The following TPRX1 variants were observed in gnomAD, a reference collection of about 807,000 sequenced individuals.
TPRX1 encodes the protein tetrapeptide repeat homeobox 1, also known as tetra-peptide repeat homeobox protein 1.
In TPRX1, 2 loss-of-function variants were observed where a neutral mutation model predicts 8.1. The observed-to-expected ratio is 0.25, with a 90% CI of 0.10 to 0.78. The LOEUF (loss-of-function observed/expected upper bound fraction) is 0.78. Ranked by LOEUF, TPRX1 falls within the 30% of genes least tolerant of loss-of-function variation. The pLI, the probability that TPRX1 is intolerant of heterozygous loss-of-function variation, is 0.70. For missense variants in TPRX1, 517 were observed against 586.9 expected, an observed-to-expected ratio of 0.88 and a Z score of 1.23; for synonymous variants, 257 against 254.1, an observed-to-expected ratio of 1.01 and a Z score of -0.11.
exon 4 of TPRX1, chr19:47,802,132 C>T (rs373591593): frequency 1.9e-6 from 3 of 1,584,354 alleles, no homozygotes; most frequent in Non-Finnish European, 2.6e-6. Flanking sequence ...CAGGGCTTCG[C>T]ATCCGGCCAG....
At chr19:47,810,835 T>C (rs1967776388) in intron 2 of TPRX1, among the ~76,000 whole-genome samples, 1 of 151,696 alleles carries the variant, frequency 6.6e-6, no homozygotes, top group African/African-American at 2.4e-5. Flanking sequence ...AGGAGTTGTT[T>C]GGGCTTTGAA....
intron 2 of TPRX1, among the ~76,000 whole-genome samples, chr19:47,815,123 T>TATATATGCAAATATATATATATGCAA (rs1967821754): frequency 1.1e-5 from 1 of 93,806 alleles, no homozygotes; most frequent in South Asian, 3.7e-4. Context: ...ATTATATATA[T>TATATATGCAAATATATATATATGCAA]ATATATATAT....
intron 2 of TPRX1, among the ~76,000 whole-genome samples, chr19:47,810,641 A>G (rs952373560): frequency 3.3e-5 from 5 of 151,406 alleles, no homozygotes; most frequent in Non-Finnish European, 7.4e-5. Flanking sequence ...CCAGCCTTCC[A>G]TCAATTCTTC....
At chr19:47,801,765 C>A (rs750189376) in exon 4 of TPRX1, 6 of 1,602,768 alleles carry the variant, frequency 3.7e-6, no homozygotes, top group Non-Finnish European at 5.1e-6. Context: ...ACTTTGCAGG[C>A]ACAGGCCCCC....
intron 2 of TPRX1, among the ~76,000 whole-genome samples, chr19:47,809,841 TC>T (rs1649734391): frequency 1.3e-5 from 2 of 151,918 alleles, no homozygotes; most frequent in Admixed American, 1.3e-4. Context: ...CTCCTGGGGC[TC>T]CCCAGGCAAT....
intron 2 of TPRX1, among the ~76,000 whole-genome samples, chr19:47,810,556 C>T (rs1441617991): frequency 6.6e-6 from 1 of 151,872 alleles, no homozygotes; most frequent in South Asian, 2.1e-4. Flanking sequence ...ACCATATTGG[C>T]CAGACTGGTC....
At chr19:47,803,932 C>T (rs1195482518) in intron 2 of TPRX1, among the ~76,000 whole-genome samples, 1 of 152,050 alleles carries the variant, frequency 6.6e-6, no homozygotes, top group Non-Finnish European at 1.5e-5. Context: ...CTGCCTCAGG[C>T]CTGCTCAACC....
intron 2 of TPRX1, among the ~76,000 whole-genome samples, chr19:47,813,799 G>A (rs1338678181): frequency 1.3e-5 from 2 of 152,042 alleles, no homozygotes; most frequent in Admixed American, 1.3e-4. Flanking sequence ...GGCTGGCCTG[G>A]CCTGGCCTAA....
intron 2 of TPRX1, among the ~76,000 whole-genome samples, chr19:47,816,524 T>TG (rs1417477445): frequency 2.1e-5 from 3 of 145,100 alleles, no homozygotes; most frequent in Non-Finnish European, 4.5e-5. Flanking sequence ...CCCAAACCCC[T>TG]GGGAATTTTT....
intron 2 of TPRX1, among the ~76,000 whole-genome samples, chr19:47,807,809 G>T (rs1436979500): frequency 6.6e-6 from 1 of 152,198 alleles, no homozygotes; most frequent in African/African-American, 2.4e-5. Context: ...TGTAGACCCA[G>T]AGAATGTGGT....
chr19:47,803,048 G>T (rs1967696857), intron 3 of TPRX1, 68 bp from the exon 3 acceptor site: 13 of 1,469,708 alleles, frequency 8.8e-6, no homozygotes, highest in Non-Finnish European at 1.2e-5. Flanking sequence ...AGCCTTTTGG[G>T]GTCGGGGCCA....
chr19:47,806,574 G>A (rs1170478857), intron 2 of TPRX1, among the ~76,000 whole-genome samples: 1 of 151,908 alleles, frequency 6.6e-6, no homozygotes, highest in East Asian at 1.9e-4. Context: ...AACCCAAAAT[G>A]TCATATATTT....
chr19:47,813,885 C>T (rs773719143), intron 2 of TPRX1, among the ~76,000 whole-genome samples: 17 of 146,722 alleles, frequency 1.2e-4, no homozygotes, highest in South Asian at 4.5e-4. Context: ...GGTGCCAGGA[C>T]GGCCACCAGG....
rs548712905 is a variant in TPRX1, at chr19:47,812,179, GTATTTATTAA to G, written c.151+6279_151+6288del. ...CCCGTGCCCGGCCTGAGAACTGTCT[GTATTTATTAA>G]GTGCTCAGTACATTCAAGGGACTGA... On this transcript the variant is annotated intron_variant, in intron 2 of 3. Coordinates refer to ENST00000535759, the Ensembl canonical transcript of TPRX1. 9.2e-4 allele frequency among the ~76,000 whole-genome samples: 140 copies of G among 152,168 alleles called. 1 individual carries two copies. Among genetic ancestry groups the G allele is most frequent in the African/African-American group, 3.2e-3 (133 of 41,516 alleles).
chr19:47,815,129 T>TATATGCAA (rs1555800033), intron 2 of TPRX1, among the ~76,000 whole-genome samples: 20 of 101,746 alleles, frequency 2.0e-4, no homozygotes, highest in African/African-American at 7.2e-4. Context: ...TATATATATA[T>TATATGCAA]ATATATATAT....
At chr19:47,802,672 G>T in exon 4 of TPRX1, 1 of 1,565,172 alleles carries the variant, frequency 6.4e-7, no homozygotes, top group East Asian at 2.4e-5. Context: ...TTGAGCCAGG[G>T]AGTGGGCCTG....
exon 4 of TPRX1, chr19:47,802,808 G>T (rs753969385): frequency 1.2e-6 from 2 of 1,601,676 alleles, no homozygotes; most frequent in Non-Finnish European, 1.7e-6. Context: ...GCAGATCGTG[G>T]GTTCCGCCGC....
intron 2 of TPRX1, among the ~76,000 whole-genome samples, chr19:47,806,777 T>C (rs116897635): frequency 0.021 from 3,125 of 152,010 alleles, 48 homozygotes; most frequent in Non-Finnish European, 0.035. Context: ...TTGCTACGGG[T>C]TGGGGAGAAG....
At chr19:47,815,163 T>TATATATATATATA (rs201060804) in intron 2 of TPRX1, among the ~76,000 whole-genome samples, 1 of 86,298 alleles carries the variant, frequency 1.2e-5, no homozygotes, top group African/African-American at 5.6e-5. Context: ...TATATATATA[T>TATATATATATATA]TTTTTTTTTT....
Sources: gnomAD v4.1 joint callset for allele counts (sites outside exome capture counted in the v4.1 genomes callset) on GRCh38, gnomAD v4.1.1 for gene constraint, MANE v1.5 for transcripts, NCBI Gene and HGNC (gene_info 2026-07-23, HGNC 2026-07-21) for gene names.